Variants in PLA2G4E observed in about 807,000 individuals in gnomAD.
The protein encoded by PLA2G4E is phospholipase A2 group IVE.
A neutral mutation model predicts 109.1 loss-of-function variants in PLA2G4E; 84 were observed. The ratio of observed to expected loss-of-function variants is 0.77; its 90% CI spans 0.65 to 0.92. The LOEUF is 0.92. PLA2G4E is among the 40% of genes least tolerant of loss of function. The probability of loss-of-function intolerance (pLI) is 0.00; values close to 1 mark genes in which losing one functional copy is unlikely to be tolerated. For synonymous variants in PLA2G4E, 469 were observed against 436.1 expected, an observed-to-expected ratio of 1.08 and a Z score of -0.94; for missense variants, 1,057 against 1,076.6, an observed-to-expected ratio of 0.98 and a Z score of 0.25.
At chr15:41,990,077 C>G (rs182148576) in intron 14 of PLA2G4E, 44 bp downstream of exon 14, 47 of 1,516,000 alleles carry the variant, frequency 3.1e-5, no homozygotes, top group East Asian at 9.1e-5. Flanking sequence ...ACCAAGAAGT[C>G]CCCCCCTCCA....
intron 17 of PLA2G4E, among the ~76,000 whole-genome samples, chr15:41,986,401 G>C (rs2068142446): frequency 6.6e-6 from 1 of 152,220 alleles, no homozygotes; most frequent in Non-Finnish European, 1.5e-5. Flanking sequence ...CTCAGCAGCA[G>C]AGGAGGCGGC....
At chr15:42,031,676 C>T (rs947906706) in intron 1 of PLA2G4E, among the ~76,000 whole-genome samples, 1 of 152,164 alleles carries the variant, frequency 6.6e-6, no homozygotes, top group African/African-American at 2.4e-5. Flanking sequence ...CAAGCACCCA[C>T]AACTAGACTC....
At chr15:41,983,398 G>A (rs777863490) in exon 20 of PLA2G4E, 2 of 263,630 alleles carry the variant, frequency 7.6e-6, no homozygotes, top group Non-Finnish European at 1.4e-5. Context: ...AGAGAGAGGA[G>A]GGCTGCCAGC....
chr15:41,991,614 C>T (rs987983774), intron 13 of PLA2G4E, among the ~76,000 whole-genome samples: 25 of 152,248 alleles, frequency 1.6e-4, no homozygotes, highest in African/African-American at 5.5e-4. Context: ...CAGTTCCTGG[C>T]ATGCAGGAGG....
At chr15:42,027,217 G>A (rs2068700310) in intron 1 of PLA2G4E, among the ~76,000 whole-genome samples, 2 of 152,146 alleles carry the variant, frequency 1.3e-5, no homozygotes, top group Admixed American at 1.3e-4. Flanking sequence ...ATCTATCAAG[G>A]ACATCTACAA....
chr15:42,048,508 T>C (rs1415772127), intron 1 of PLA2G4E, among the ~76,000 whole-genome samples: 1 of 152,220 alleles, frequency 6.6e-6, no homozygotes, highest in African/African-American at 2.4e-5. Flanking sequence ...CCCAGTCATG[T>C]GGGCCTTTCT....
chr15:42,001,785 G>A (rs2068422533), intron 6 of PLA2G4E, among the ~76,000 whole-genome samples: 1 of 152,148 alleles, frequency 6.6e-6, no homozygotes, highest in East Asian at 1.9e-4. Context: ...TTGACCTCCT[G>A]GGCTCAAGCG....
At chr15:42,016,057 G>C (rs565927366) in intron 1 of PLA2G4E, among the ~76,000 whole-genome samples, 1 of 152,032 alleles carries the variant, frequency 6.6e-6, no homozygotes, top group Non-Finnish European at 1.5e-5. Context: ...CGTCTGAACC[G>C]GCACCCTCGA....
At chr15:42,032,661 G>A (rs1889135479) in intron 1 of PLA2G4E, among the ~76,000 whole-genome samples, 1 of 152,246 alleles carries the variant, frequency 6.6e-6, no homozygotes, top group African/African-American at 2.4e-5. Context: ...TGGCCTTAGA[G>A]GCCTTTCTCA....
intron 1 of PLA2G4E, among the ~76,000 whole-genome samples, chr15:42,022,896 G>T (rs1034949196): frequency 8.5e-5 from 13 of 152,182 alleles, no homozygotes; most frequent in Non-Finnish European, 1.9e-4. Context: ...ATTCCAGCTG[G>T]AGAGGGAAAG....
rs1321930974 is a variant in PLA2G4E at position 42,028,372 on chromosome 15, TTTATTTATTTAC to T, written c.184-14627_184-14616del. Reference sequence around the variant, plus strand: ...GATTCTGTACTGCGTTTTTATTTTATTTATTTATTTACTTATTTATTTATTTATTTATTTATT... The same window carrying T: ...GATTCTGTACTGCGTTTTTATTTTATTTATTTATTTATTTATTTATTTATT... On this transcript the variant is annotated intron_variant, in intron 1 of 19. Coordinates refer to ENST00000399518, the Ensembl canonical transcript of PLA2G4E. Among the ~76,000 whole-genome samples the T allele has an allele frequency of 2.7e-3, 171 of 62,456 alleles. 1 individual carries two copies. Among genetic ancestry groups the T allele is most frequent in the Middle Eastern group, 0.019 (2 of 106 alleles). The allele number at this position is 62,456 out of a possible 152,430, so 41.0% of individuals were successfully genotyped here.
chr15:42,023,357 C>T (rs2068665492), intron 1 of PLA2G4E, among the ~76,000 whole-genome samples: 1 of 150,782 alleles, frequency 6.6e-6, no homozygotes, highest in South Asian at 2.1e-4. Context: ...GATTAGGGTC[C>T]AAATAATCAT....
chr15:42,050,580 G>T, exon 1 of PLA2G4E: 1 of 1,550,608 alleles, frequency 6.4e-7, no homozygotes, highest in Non-Finnish European at 8.7e-7. Flanking sequence ...TCCAGGTCCT[G>T]TGTATCCTCG....
chr15:42,008,273 A>T (rs2068497610), intron 2 of PLA2G4E, among the ~76,000 whole-genome samples: 1 of 152,238 alleles, frequency 6.6e-6, no homozygotes, highest in Admixed American at 6.5e-5. Flanking sequence ...AAGTAGGGCC[A>T]AGCACTCCCT....
At chr15:42,021,905 C>T (rs1453917514) in intron 1 of PLA2G4E, among the ~76,000 whole-genome samples, 1 of 152,196 alleles carries the variant, frequency 6.6e-6, no homozygotes, top group Non-Finnish European at 1.5e-5. Flanking sequence ...CAGACTGGGC[C>T]TGAATGCAGG....
At chr15:42,049,511 C>T (rs1319522871) in intron 1 of PLA2G4E, among the ~76,000 whole-genome samples, 3 of 152,132 alleles carry the variant, frequency 2.0e-5, no homozygotes, top group South Asian at 2.1e-4. Flanking sequence ...TATGGAGGAC[C>T]GGGTCATCCC....
intron 1 of PLA2G4E, among the ~76,000 whole-genome samples, chr15:42,019,503 T>C (rs2068627711): frequency 6.6e-6 from 1 of 152,122 alleles, no homozygotes; most frequent in Non-Finnish European, 1.5e-5. Context: ...CTGGGGAGCC[T>C]GCAGGAACTC....
intron 1 of PLA2G4E, among the ~76,000 whole-genome samples, chr15:42,037,348 TCAGCCAGAGCA>T (rs1889235574): frequency 1.3e-5 from 2 of 152,222 alleles, no homozygotes; most frequent in Non-Finnish European, 2.9e-5. Context: ...AGCCCTGGGC[TCAGCCAGAGCA>T]GAGCGGTCGT....
At chr15:42,000,603 A>T (rs551512347) in intron 7 of PLA2G4E, among the ~76,000 whole-genome samples, 5 of 152,182 alleles carry the variant, frequency 3.3e-5, no homozygotes, top group South Asian at 2.1e-4. Context: ...GAGGAGGCAG[A>T]CCCTCCGCAC....
Sources: gnomAD v4.1 joint callset for allele counts (sites outside exome capture counted in the v4.1 genomes callset) on GRCh38, gnomAD v4.1.1 for gene constraint, MANE v1.5 for transcripts, NCBI Gene and HGNC (gene_info 2026-07-23, HGNC 2026-07-21) for gene names.